ACACA: variants seen among roughly 807,000 people sequenced by gnomAD.
The protein encoded by ACACA is acetyl-CoA carboxylase alpha, also known as acetyl-CoA carboxylase 1.
Under a neutral mutation model 296.1 loss-of-function variants are expected in ACACA, and 103 were observed. The observed-to-expected ratio is 0.35, with a 90% CI of 0.30 to 0.41. The LOEUF (loss-of-function observed/expected upper bound fraction) is 0.41, where lower values mean the gene tolerates loss of function less well. Ranked by LOEUF, ACACA falls within the 10% of genes least tolerant of loss-of-function variation. ACACA has a pLI of 1.00. For missense variants in ACACA, 1,554 were observed against 2,989.7 expected (o/e 0.52, Z 11.20); for synonymous variants, 953 against 1,038.6 (o/e 0.92, Z 1.58).
chr17:37,400,384 T>C (rs1461991046), intron 1 of ACACA, among the ~76,000 whole-genome samples: 1 of 152,156 alleles, frequency 6.6e-6, no homozygotes, highest in Admixed American at 6.6e-5. Flanking sequence ...CCTCCCAAAG[T>C]GCTGGGATTA....
chr17:37,314,924 T>C (rs990679948), intron 3 of ACACA, among the ~76,000 whole-genome samples: 1 of 149,564 alleles, frequency 6.7e-6, no homozygotes, highest in African/African-American at 2.5e-5. Context: ...TTTACAGGCA[T>C]GAGCTACCGC....
At chr17:37,227,463 G>A (rs907455526) in intron 25 of ACACA, among the ~76,000 whole-genome samples, 1 of 152,110 alleles carries the variant, frequency 6.6e-6, no homozygotes, top group Non-Finnish European at 1.5e-5. Context: ...TGTAACCCCA[G>A]CATTTTGGGA....
intron 25 of ACACA, 84 bp downstream of exon 25, chr17:37,234,891 T>C (rs572416929): frequency 9.8e-5 from 147 of 1,494,730 alleles, no homozygotes; most frequent in South Asian, 6.7e-4. Flanking sequence ...TAGTTTTTTT[T>C]CTCTGGCCAT....
chr17:37,333,474 A>G (rs2047978491), intron 2 of ACACA, among the ~76,000 whole-genome samples: 1 of 152,134 alleles, frequency 6.6e-6, no homozygotes, highest in Admixed American at 6.6e-5. Context: ...AATCCCCTCC[A>G]GGAAACCAAG....
chr17:37,359,422 G>T (rs2049309012), intron 1 of ACACA, among the ~76,000 whole-genome samples: 1 of 151,550 alleles, frequency 6.6e-6, no homozygotes, highest in Non-Finnish European at 1.5e-5. Context: ...GCGGGCCGCG[G>T]GCGGGCCGCG....
intron 25 of ACACA, among the ~76,000 whole-genome samples, chr17:37,229,699 T>C (rs892624908): frequency 6.6e-6 from 1 of 151,960 alleles, no homozygotes; most frequent in Non-Finnish European, 1.5e-5. Context: ...CTTTCCACTA[T>C]GAGAGAAAGG....
intron 1 of ACACA, among the ~76,000 whole-genome samples, chr17:37,384,803 T>G (rs183044397): frequency 2.0e-4 from 30 of 152,338 alleles, no homozygotes; most frequent in African/African-American, 7.0e-4. Flanking sequence ...TATGATTTCA[T>G]GTACAGTGCC....
chr17:37,388,376 T>C (rs1423147351), intron 1 of ACACA, among the ~76,000 whole-genome samples: 2 of 152,176 alleles, frequency 1.3e-5, no homozygotes, highest in African/African-American at 2.4e-5. Context: ...GAGATTTTTC[T>C]TCCTGCGAGC....
chr17:37,315,217 CA>C (rs2047035046), intron 3 of ACACA, among the ~76,000 whole-genome samples: 1 of 152,162 alleles, frequency 6.6e-6, no homozygotes, highest in Non-Finnish European at 1.5e-5. Context: ...CTCTGCCTCC[CA>C]AAGTGCTGGG....
chr17:37,091,723 G>T (rs1484448369), intron 54 of ACACA, among the ~76,000 whole-genome samples: 1 of 151,960 alleles, frequency 6.6e-6, no homozygotes, highest in African/African-American at 2.4e-5. Context: ...AGGATTACAG[G>T]CATGCCCCAC....
At chr17:37,344,946 G>A (rs2048548798) in intron 1 of ACACA, among the ~76,000 whole-genome samples, 1 of 152,136 alleles carries the variant, frequency 6.6e-6, no homozygotes, top group African/African-American at 2.4e-5. Flanking sequence ...TTAAACAGAG[G>A]GTTTCTAGAT....
intron 41 of ACACA, among the ~76,000 whole-genome samples, chr17:37,166,976 G>A (rs1443099400): frequency 6.6e-6 from 1 of 151,812 alleles, no homozygotes; most frequent in African/African-American, 2.4e-5. Flanking sequence ...ATGGAGTCTT[G>A]CTCCGTCACC....
intron 16 of ACACA, 41 bp downstream of exon 16, chr17:37,251,964 C>T (rs1378193307): frequency 5.8e-6 from 9 of 1,559,232 alleles, no homozygotes; most frequent in Non-Finnish European, 8.0e-6. Context: ...GTACTCAGGA[C>T]CATTGATTAG....
At chr17:37,386,171 G>A in intron 1 of ACACA, 2 of 1,243,204 alleles carry the variant, frequency 1.6e-6, no homozygotes, top group Middle Eastern at 2.0e-4. Flanking sequence ...ATAAGTAGGA[G>A]TAAAATGGGA....
chr17:37,338,513 C>T (rs930235199), intron 2 of ACACA, among the ~76,000 whole-genome samples: 1 of 151,110 alleles, frequency 6.6e-6, no homozygotes, highest in Non-Finnish European at 1.5e-5. Context: ...AAAAATTAGC[C>T]GAGCGTGGCG....
At chr17:37,122,464 T>C (rs2074572504) in intron 49 of ACACA, 67 bp downstream of exon 49, 3 of 1,207,516 alleles carry the variant, frequency 2.5e-6, no homozygotes, top group Admixed American at 3.5e-5. Flanking sequence ...GTTCCTGATG[T>C]ATTCACAGGC....
chr17:37,219,268 A>G (rs534982151), intron 29 of ACACA, among the ~76,000 whole-genome samples: 253 of 152,244 alleles, frequency 1.7e-3, no homozygotes, highest in Admixed American at 2.6e-3. Context: ...AGGGTTGATA[A>G]ACTCTGATTC....
intron 1 of ACACA, among the ~76,000 whole-genome samples, chr17:37,340,349 C>T (rs543285409): frequency 6.6e-6 from 1 of 152,272 alleles, no homozygotes; most frequent in South Asian, 2.1e-4. Flanking sequence ...TCCCCAAATC[C>T]TCGGTTTCCT....
intron 37 of ACACA, 108 bp downstream of exon 37, chr17:37,191,981 CT>C (rs1210749766): frequency 2.5e-5 from 29 of 1,146,970 alleles, no homozygotes; most frequent in South Asian, 5.5e-5. Context: ...AAAACCTGAT[CT>C]TTTTTTTATG....
Sources: allele counts gnomAD v4.1 joint callset (sites outside exome capture counted in the v4.1 genomes callset), GRCh38; gene constraint gnomAD v4.1.1; transcripts MANE v1.5; gene names NCBI Gene and HGNC (gene_info 2026-07-23, HGNC 2026-07-21).